The following SPIRE1 variants were observed in gnomAD, a reference collection of about 807,000 sequenced individuals.
SPIRE1 encodes protein spire homolog 1.
A neutral mutation model predicts 94.1 loss-of-function variants in SPIRE1; 40 were observed. The ratio of observed to expected loss-of-function variants is 0.43; its 90% CI spans 0.33 to 0.55. The LOEUF (loss-of-function observed/expected upper bound fraction) is 0.55, where lower values mean the gene tolerates loss of function less well. Among genes scored for constraint, SPIRE1 ranks in the 20% least tolerant of loss-of-function variants. SPIRE1 has a pLI of 0.06. For synonymous variants in SPIRE1, 376 were observed against 371.7 expected, an observed-to-expected ratio of 1.01 and a Z score of -0.13; for missense variants, 838 against 975.2, an observed-to-expected ratio of 0.86 and a Z score of 1.87.
intron 10 of SPIRE1, among the ~76,000 whole-genome samples, chr18:12,475,437 A>G (rs961953647): frequency 1.3e-5 from 2 of 152,186 alleles, no homozygotes; most frequent in Non-Finnish European, 2.9e-5. Flanking sequence ...AGAGACCATC[A>G]TATTTCTGTC....
intron 10 of SPIRE1, among the ~76,000 whole-genome samples, chr18:12,468,354 C>T (rs1277831924): frequency 6.6e-6 from 1 of 152,150 alleles, no homozygotes. Context: ...GCTGTACATG[C>T]GATGTGGTCC....
intron 2 of SPIRE1, among the ~76,000 whole-genome samples, chr18:12,565,026 A>T (rs2035782196): frequency 6.6e-6 from 1 of 152,172 alleles, no homozygotes. Context: ...AGGAATAATG[A>T]CCAAGAATTT....
intron 2 of SPIRE1, among the ~76,000 whole-genome samples, chr18:12,620,447 C>G (rs554468975): frequency 6.6e-6 from 1 of 152,292 alleles, no homozygotes; most frequent in South Asian, 2.1e-4. Flanking sequence ...CAAGAGCAAT[C>G]AAGGCAACAT....
intron 2 of SPIRE1, among the ~76,000 whole-genome samples, chr18:12,572,990 A>T (rs2035996086): frequency 6.6e-6 from 1 of 152,210 alleles, no homozygotes; most frequent in African/African-American, 2.4e-5. Context: ...CCAAAACACA[A>T]CCCATGAAAG....
intron 3 of SPIRE1, among the ~76,000 whole-genome samples, chr18:12,538,755 T>C (rs545769808): frequency 1.3e-5 from 2 of 152,190 alleles, no homozygotes; most frequent in Non-Finnish European, 2.9e-5. Context: ...CAGGCAATGA[T>C]CCTGCCTCAG....
chr18:12,501,634 G>A (rs1052823521), intron 6 of SPIRE1, among the ~76,000 whole-genome samples: 3 of 152,092 alleles, frequency 2.0e-5, no homozygotes, highest in Admixed American at 6.6e-5. Context: ...CGCACGCCTC[G>A]GCCTCCCAAA....
chr18:12,514,603 G>A (rs1007821286), intron 4 of SPIRE1, among the ~76,000 whole-genome samples: 1 of 152,124 alleles, frequency 6.6e-6, no homozygotes, highest in Admixed American at 6.6e-5. Context: ...CTATTTAATA[G>A]CCCTTACCAA....
At chr18:12,566,110 C>A (rs1185696243) in intron 2 of SPIRE1, among the ~76,000 whole-genome samples, 2 of 151,362 alleles carry the variant, frequency 1.3e-5, no homozygotes, top group East Asian at 3.9e-4. Context: ...CCGAGGCTGG[C>A]AGATCACCTG....
chr18:12,485,252 G>A (rs2032994596), intron 9 of SPIRE1, among the ~76,000 whole-genome samples: 1 of 151,932 alleles, frequency 6.6e-6, no homozygotes, highest in African/African-American at 2.4e-5. Flanking sequence ...CTACAGGTGT[G>A]TGCCACCACG....
In SPIRE1 at chr18:12,463,438, T is replaced by C. The variant is rs768537982; in HGVS notation, c.1551A>G (p.Pro517=). The C allele has an allele frequency of 6.2e-7, 1 of 1,613,934 alleles. No individual in the cohort carries two copies. Among genetic ancestry groups the C allele is most frequent in the Non-Finnish European group, 8.5e-7 (1 of 1,179,926 alleles). The change falls in exon 12 of 17, where the codon CCA becomes CCG. Residue 517 remains proline (P), a synonymous_variant. Coordinates refer to ENST00000409402, the MANE Select transcript of SPIRE1 (RefSeq NM_001128626.2). ...SSTPQPERRQ[P]PQRRHSIEKE... is the part of the protein sequence containing the mutation. ...TTTCAATGGAATGTCGTCTCTGGGGTGGCTGCCGTCTCTCTGGCTGGGGTG... is the reference window on the plus strand; with the variant it reads ...TTTCAATGGAATGTCGTCTCTGGGGCGGCTGCCGTCTCTCTGGCTGGGGTG...
At chr18:12,488,855 C>T (rs1343560553) in intron 8 of SPIRE1, among the ~76,000 whole-genome samples, 1 of 152,132 alleles carries the variant, frequency 6.6e-6, no homozygotes, top group African/African-American at 2.4e-5. Context: ...TTAATTATCT[C>T]ATAGGAAATT....
At chr18:12,656,418 G>A (rs1301865367) in intron 1 of SPIRE1, among the ~76,000 whole-genome samples, 6 of 152,058 alleles carry the variant, frequency 3.9e-5, no homozygotes, top group South Asian at 2.1e-4. Context: ...ATAAAAGCAT[G>A]TAAATAAAAA....
chr18:12,632,168 G>C (rs543331800), intron 2 of SPIRE1, among the ~76,000 whole-genome samples: 34 of 152,258 alleles, frequency 2.2e-4, no homozygotes, highest in African/African-American at 7.9e-4. Flanking sequence ...TGATATCCTA[G>C]TAGTACTATG....
chr18:12,469,453 C>T (rs1201041471), intron 10 of SPIRE1, among the ~76,000 whole-genome samples: 1 of 150,996 alleles, frequency 6.6e-6, no homozygotes, highest in Non-Finnish European at 1.5e-5. Context: ...GCCTTGGCCT[C>T]CCAAAGTGCT....
intron 6 of SPIRE1, among the ~76,000 whole-genome samples, chr18:12,497,498 G>C (rs2033500190): frequency 6.6e-6 from 1 of 152,096 alleles, no homozygotes; most frequent in Non-Finnish European, 1.5e-5. Context: ...TGAGTTCAGA[G>C]TGTGTGGCAA....
intron 3 of SPIRE1, among the ~76,000 whole-genome samples, chr18:12,538,035 G>GC (rs749477924): frequency 7.2e-5 from 11 of 152,024 alleles, no homozygotes; most frequent in Non-Finnish European, 1.6e-4. Context: ...GGGGCCCCTT[G>GC]CAACAACCCA....
intron 2 of SPIRE1, among the ~76,000 whole-genome samples, chr18:12,634,290 C>T (rs925132362): frequency 6.8e-6 from 1 of 147,418 alleles, no homozygotes; most frequent in Non-Finnish European, 1.5e-5. Flanking sequence ...TAATAATAAA[C>T]CTACTTGTAT....
upstream of SPIRE1, among the ~76,000 whole-genome samples, chr18:12,661,154 A>C (rs926373746): frequency 6.6e-5 from 10 of 152,110 alleles, no homozygotes; most frequent in African/African-American, 2.4e-4. Context: ...CTAAAAATAC[A>C]AAAATTAGCT....
chr18:12,549,570 G>A (rs2035285342), intron 2 of SPIRE1, among the ~76,000 whole-genome samples: 1 of 145,644 alleles, frequency 6.9e-6, no homozygotes, highest in South Asian at 2.3e-4. Flanking sequence ...CCCTGCCTCA[G>A]CCTCTTGAGT....
Sources: gnomAD v4.1 joint callset for allele counts (sites outside exome capture counted in the v4.1 genomes callset) on GRCh38, gnomAD v4.1.1 for gene constraint, MANE v1.5 for transcripts, NCBI Gene and HGNC (gene_info 2026-07-23, HGNC 2026-07-21) for gene names.